PROK2: variants seen among roughly 807,000 people sequenced by gnomAD.
PROK2 encodes the protein prokineticin 2, also known as prokineticin-2.
Under a neutral mutation model 14.2 loss-of-function variants are expected in PROK2, and 8 were observed. That is an observed-to-expected ratio of 0.56 (90% CI 0.33 to 1.02). The LOEUF (loss-of-function observed/expected upper bound fraction) is 1.02, where lower values mean the gene tolerates loss of function less well. Among genes scored for constraint, PROK2 ranks in the 50% least tolerant of loss-of-function variants. The pLI, the probability that PROK2 is intolerant of heterozygous loss-of-function variation, is 0.03. For synonymous variants in PROK2, 59 were observed against 60.7 expected (o/e 0.97, Z 0.13); for missense variants, 154 against 160.4 (o/e 0.96, Z 0.22).
At chr3:71,781,299 T>A (rs1276735674) in intron 2 of PROK2, among the ~76,000 whole-genome samples, 168 bp downstream of exon 2, 1 of 152,200 alleles carries the variant, frequency 6.6e-6, no homozygotes, top group African/African-American at 2.4e-5. Context: ...ATACAATTCT[T>A]TGAAATGAAA....
At chr3:71,781,628 A>C (rs1012717631) in intron 1 of PROK2, 36 bp from the exon 2 acceptor site, 13 of 1,597,024 alleles carry the variant, frequency 8.1e-6, no homozygotes, top group African/African-American at 1.3e-5. Context: ...AATATAGATA[A>C]CAGGAAAGAC....
In PROK2 at chr3:71,779,918, G is replaced by A. The variant is rs148008789; in HGVS notation, c.222+1549C>T. 3.0e-4 allele frequency among the ~76,000 whole-genome samples: 45 copies of A among 152,262 alleles called. 1 individual carries two copies. Among genetic ancestry groups the A allele is most frequent in the African/African-American group, 8.7e-4 (36 of 41,554 alleles). ...GCCACTATGCCCAGCCAAAAACAAC[G>A]TAATTCTTAAAGGAGAAAGTTAAGA... On this transcript the variant is annotated intron_variant, in intron 2 of 3. Coordinates refer to ENST00000295619, the MANE Select transcript of PROK2 (RefSeq NM_001126128.2).
chr3:71,780,030 A>C (rs2050149292), intron 2 of PROK2, among the ~76,000 whole-genome samples: 1 of 152,240 alleles, frequency 6.6e-6, no homozygotes, highest in Admixed American at 6.5e-5. Flanking sequence ...AGAAATGCTA[A>C]AGGCAGCTGG....
Position 71,784,961 on chromosome 3 carries a change from G to A in PROK2, c.92C>T (p.Thr31Ile), listed in dbSNP as rs1467583182. 17 of 1,247,506 alleles carry A rather than the reference G, an allele frequency of 1.4e-5. No individual in the cohort carries two copies. Among genetic ancestry groups the A allele is most frequent in the Non-Finnish European group, 1.7e-5 (17 of 993,964 alleles). 77.3% of individuals were successfully genotyped at this position (1,247,506 alleles called of 1,614,324 possible). The change falls in exon 1 of 4, where the codon ACC becomes ATC. Residue 31 changes from threonine (T) to isoleucine (I), a missense_variant. Physicochemically the swap from Thr to Ile is moderately conservative, Grantham distance 89. Coordinates refer to ENST00000295619, the MANE Select transcript of PROK2 (RefSeq NM_001126128.2). ...AGGTGCGCCCGGGCCGCTTACCCCG[G>A]TGATCACGGCGGCGTCCCCAGCGCG... ...TPRAGDAAVITGACDKDSQCG... is the reference protein window; with the variant it reads ...TPRAGDAAVIIGACDKDSQCG...
At position 71,772,016 on chromosome 3, in the gene PROK2, T is replaced by C. The variant is rs2050083271; in HGVS notation, c.*708A>G. 6.6e-6 allele frequency: 1 copy of C among 152,232 alleles called. No homozygotes were observed. The highest frequency in any genetic ancestry group is 2.4e-5 in the African/African-American group (1 of 41,470). 9.4% of individuals were successfully genotyped at this position (152,232 alleles called of 1,614,324 possible). A position where few individuals can be genotyped will look rare whatever the true frequency, so the allele number is the denominator to read the frequency against. ...CTAAATTAATTTGGCTTTCCATTCC[T>C]TCTGTCCACACACCAGCCCAACAGC... is the stretch of plus-strand genomic sequence containing the variant. On this transcript the variant is annotated 3_prime_UTR_variant, in exon 4 of 4. Coordinates refer to ENST00000295619, the MANE Select transcript of PROK2 (RefSeq NM_001126128.2).
intron 2 of PROK2, among the ~76,000 whole-genome samples, chr3:71,776,168 G>A (rs762333660): frequency 1.3e-5 from 2 of 152,064 alleles, no homozygotes; most frequent in African/African-American, 4.8e-5. Context: ...CACCAAGACT[G>A]TATGAACATC....
chr3:71,776,863 C>T (rs2050124407), intron 2 of PROK2, among the ~76,000 whole-genome samples: 1 of 152,186 alleles, frequency 6.6e-6, no homozygotes, highest in Admixed American at 6.5e-5. Context: ...TCATGGTTTA[C>T]TTTAGAATCA....
At chr3:71,781,638 C>T (rs2050161441) in intron 1 of PROK2, 46 bp from the exon 2 acceptor site, 1 of 1,588,538 alleles carries the variant, frequency 6.3e-7, no homozygotes, top group Non-Finnish European at 8.6e-7. Flanking sequence ...ACAGGAAAGA[C>T]TCAGGCTAAG....
Position 71,772,836 on chromosome 3 carries a change from A to C in PROK2, c.286-8T>G. ...CCGCCCAAAAAATGGAACCTAAATA[A>C]AAAAGAAAACGGAGTCAGAGCTGGA... On this transcript the variant is annotated splice_polypyrimidine_tract_variant and splice_region_variant and intron_variant, in intron 3 of 3. Coordinates refer to ENST00000295619, the MANE Select transcript of PROK2 (RefSeq NM_001126128.2). 6.2e-7 allele frequency: 1 copy of C among 1,612,680 alleles called. No homozygotes were observed. The highest frequency in any genetic ancestry group is 8.5e-7 in the Non-Finnish European group (1 of 1,178,688).
chr3:71,777,936 C>T (rs1230901651), intron 2 of PROK2, among the ~76,000 whole-genome samples: 1 of 151,612 alleles, frequency 6.6e-6, no homozygotes, highest in East Asian at 1.9e-4. Context: ...AAAAATGTGC[C>T]TGTAATCCCA....
intron 3 of PROK2, among the ~76,000 whole-genome samples, chr3:71,773,586 T>C (rs1031086101): frequency 1.3e-5 from 2 of 152,198 alleles, no homozygotes; most frequent in Non-Finnish European, 2.9e-5. Context: ...GTCTATGCAA[T>C]CAGCAAATAT....
chr3:71,778,615 C>G (rs2050138914), intron 2 of PROK2, among the ~76,000 whole-genome samples: 1 of 152,112 alleles, frequency 6.6e-6, no homozygotes, highest in Non-Finnish European at 1.5e-5. Context: ...TTTTTACTAT[C>G]TACTAATGAG....
rs1373588146 is a variant in PROK2 at position 71,777,420 on chromosome 3, C to T, written c.223-2913G>A. The stretch of plus-strand genomic sequence containing the variant: ...AAAAAATATGTAAAAATTTTAATGA[C>T]TTCATATTCTGAAATTATGTTTACA... On this transcript the variant is annotated intron_variant, in intron 2 of 3. Coordinates refer to ENST00000295619, the MANE Select transcript of PROK2 (RefSeq NM_001126128.2). Among the ~76,000 whole-genome samples the T allele has an allele frequency of 2.0e-5, 3 of 151,924 alleles. No individual in the cohort carries two copies. In the South Asian group the frequency reaches 6.2e-4, roughly 32 times the overall value.
intron 2 of PROK2, among the ~76,000 whole-genome samples, chr3:71,775,392 C>T (rs957188020): frequency 1.3e-5 from 2 of 152,164 alleles, no homozygotes; most frequent in African/African-American, 4.8e-5. Flanking sequence ...CTTGATCATA[C>T]AAGACAGAAC....
chr3:71,774,688 G>T (rs2050104973), intron 2 of PROK2, among the ~76,000 whole-genome samples, 181 bp from the exon 3 acceptor site: 1 of 152,138 alleles, frequency 6.6e-6, no homozygotes, highest in Admixed American at 6.5e-5. Context: ...TCTACATGCA[G>T]TCATGTTCAC....
At position 71,782,385 on chromosome 3, in the gene PROK2, T is replaced by A. The variant is rs187819898; in HGVS notation, c.97-793A>T. 1.1e-3 allele frequency among the ~76,000 whole-genome samples: 173 copies of A among 152,320 alleles called. 1 individual carries two copies. Among genetic ancestry groups the A allele is most frequent in the African/African-American group, 3.9e-3 (162 of 41,568 alleles). ...AAGTAACAGGTGCAATTGTCAATAG[T>A]AATTACTCAAGTCACCTGCTTTCAA... is the stretch of plus-strand genomic sequence containing the variant. On this transcript the variant is annotated intron_variant, in intron 1 of 3. Transcript: ENST00000295619.
chr3:71,776,363 CA>C (rs1407186118), intron 2 of PROK2, among the ~76,000 whole-genome samples: 1,393 of 91,926 alleles, frequency 0.015, 133 homozygotes, highest in African/African-American at 0.022. Flanking sequence ...TTTCGCTTTT[CA>C]TTTTTTTTTT....
Position 71,772,370 on chromosome 3 carries a change from A to AG in PROK2, c.*353dup. The AG allele has an allele frequency of 4.2e-6, 1 of 238,996 alleles. No individual in the cohort carries two copies. Among genetic ancestry groups the AG allele is most frequent in the Non-Finnish European group, 8.2e-6 (1 of 121,624 alleles). 14.8% of individuals were successfully genotyped at this position (238,996 alleles called of 1,614,324 possible). A position where few individuals can be genotyped will look rare whatever the true frequency, so the allele number is the denominator to read the frequency against. On this transcript the variant is annotated 3_prime_UTR_variant, in exon 4 of 4. Transcript: ENST00000295619. ...GGCACAAATGGGGCTTGGGGTGGTG[A>AG]GAAAAAAAAAAAAAAGTTTTTCTAA...
In PROK2 at chr3:71,772,575, T is replaced by A. The variant is rs879128001; in HGVS notation, c.*149A>T. ...CTCTTTCGATAAAAAAAAAAAAAAA[T>A]CATTTACAAATCAAAGATAAAAATG... On this transcript the variant is annotated 3_prime_UTR_variant, in exon 4 of 4. Coordinates refer to ENST00000295619, the MANE Select transcript of PROK2 (RefSeq NM_001126128.2). 3 of 672,292 alleles carry A rather than the reference T, an allele frequency of 4.5e-6. No homozygotes were observed. The highest frequency in any genetic ancestry group is 5.1e-6 in the Non-Finnish European group (2 of 393,784). 41.6% of individuals were successfully genotyped at this position (672,292 alleles called of 1,614,324 possible). A position where few individuals can be genotyped will look rare whatever the true frequency, so the allele number is the denominator to read the frequency against.
Sources: allele counts gnomAD v4.1 joint callset (sites outside exome capture counted in the v4.1 genomes callset), GRCh38; gene constraint gnomAD v4.1.1; transcripts MANE v1.5; gene names NCBI Gene and HGNC (gene_info 2026-07-23, HGNC 2026-07-21).